The following PHLDB2 variants were observed in gnomAD, a reference collection of about 807,000 sequenced individuals.
PHLDB2 encodes pleckstrin homology like domain family B member 2, also known as pleckstrin homology-like domain family B member 2.
Under a neutral mutation model 123.6 loss-of-function variants are expected in PHLDB2, and 71 were observed. The ratio of observed to expected loss-of-function variants is 0.57; its 90% confidence interval spans 0.47 to 0.70. PHLDB2 has a LOEUF of 0.70. Ranked by LOEUF, PHLDB2 falls within the 30% of genes least tolerant of loss-of-function variation. The pLI is 0.00. For synonymous variants in PHLDB2, 547 were observed against 541.6 expected (o/e 1.01, Z -0.14); for missense variants, 1,446 against 1,519.5 (o/e 0.95, Z 0.80).
intron 1 of PHLDB2, among the ~76,000 whole-genome samples, chr3:111,818,056 G>GA (rs905273009): frequency 6.6e-6 from 1 of 151,896 alleles, no homozygotes; most frequent in Non-Finnish European, 1.5e-5. Context: ...GATCTCTTGT[G>GA]AAAAAAGGCC....
chr3:111,846,186 C>T lies in PHLDB2; in HGVS notation c.67+251C>T, dbSNP rs1407207623. On this transcript the variant is annotated intron_variant, in intron 2 of 17. Coordinates refer to the PHLDB2 transcript ENST00000393923. ...TCCAGATGCTGAAGGATGGGAAGAC[C>T]CAAGCAGCTGGTGTGGAGGTCTTTC... 13 of 384,600 alleles carry T rather than the reference C, an allele frequency of 3.4e-5. No homozygotes were observed. The East Asian group carries it at 6.2e-4, about 18-fold the overall frequency. 23.8% of individuals were successfully genotyped at this position (384,600 alleles called of 1,614,324 possible). A position where few individuals can be genotyped will look rare whatever the true frequency, so the allele number is the denominator to read the frequency against.
chr3:111,860,513 A>C (rs2064777449), intron 1 of PHLDB2, among the ~76,000 whole-genome samples: 1 of 152,212 alleles, frequency 6.6e-6, no homozygotes, highest in African/African-American at 2.4e-5. Context: ...TAGCCCTAGC[A>C]GTCATCACTT....
intron 12 of PHLDB2, among the ~76,000 whole-genome samples, chr3:111,956,840 C>T (rs2071089615): frequency 6.6e-6 from 1 of 152,148 alleles, no homozygotes; most frequent in Admixed American, 6.5e-5. Context: ...AATTGTTTGA[C>T]TAGCACTTGT....
intron 1 of PHLDB2, among the ~76,000 whole-genome samples, chr3:111,751,754 G>T (rs1322732011): frequency 6.6e-6 from 1 of 151,356 alleles, no homozygotes; most frequent in African/African-American, 2.4e-5. Flanking sequence ...CGAGTTAATG[G>T]GTGCAGCACA....
chr3:111,867,252 GA>G (rs2065132735), intron 1 of PHLDB2, among the ~76,000 whole-genome samples: 1 of 151,796 alleles, frequency 6.6e-6, no homozygotes, highest in Non-Finnish European at 1.5e-5. Context: ...AATCAGCTAG[GA>G]GCCAGTGATA....
At chr3:111,896,288 AC>A (rs1271377436) in intron 2 of PHLDB2, among the ~76,000 whole-genome samples, 2 of 152,066 alleles carry the variant, frequency 1.3e-5, no homozygotes, top group Non-Finnish European at 2.9e-5. Context: ...TTATTGAGCT[AC>A]CATTTTAAAA....
chr3:111,857,460 A>AAAAAAGAAAAG (rs71131985), upstream of PHLDB2, among the ~76,000 whole-genome samples: 1 of 81,044 alleles, frequency 1.2e-5, no homozygotes, highest in African/African-American at 3.8e-5. Flanking sequence ...CAAAAAAAAA[A>AAAAAAGAAAAG]AAAAGAAAAG....
intron 2 of PHLDB2, among the ~76,000 whole-genome samples, chr3:111,910,864 A>G (rs1052340529): frequency 5.9e-5 from 9 of 152,216 alleles, no homozygotes; most frequent in African/African-American, 2.2e-4. Flanking sequence ...TTATAGGGCC[A>G]GTGTGTCTCA....
intron 1 of PHLDB2, among the ~76,000 whole-genome samples, chr3:111,760,636 C>T (rs975228336): frequency 6.6e-6 from 1 of 151,692 alleles, no homozygotes; most frequent in Non-Finnish European, 1.5e-5. Context: ...AACTAGAAGG[C>T]AGAAAACGTG....
At chr3:111,939,367 G>T (rs2069722188) in intron 6 of PHLDB2, 108 bp from the exon 7 acceptor site, 2 of 1,152,362 alleles carry the variant, frequency 1.7e-6, no homozygotes, top group Admixed American at 4.7e-5. Context: ...GGTCAATATT[G>T]TAACTGGAAA....
intron 9 of PHLDB2, among the ~76,000 whole-genome samples, chr3:111,946,768 T>A (rs1175297492): frequency 6.6e-6 from 1 of 152,166 alleles, no homozygotes; most frequent in Non-Finnish European, 1.5e-5. Context: ...GGAGGTGACA[T>A]TTGCTATCCA....
intron 1 of PHLDB2, among the ~76,000 whole-genome samples, chr3:111,737,985 G>C (rs2059538940): frequency 6.6e-6 from 1 of 152,146 alleles, no homozygotes; most frequent in African/African-American, 2.4e-5. Flanking sequence ...AGGTCGGCCA[G>C]AAGATGTTGC....
chr3:111,923,997 T>A lies in PHLDB2; in HGVS notation c.2001+3578T>A, dbSNP rs141067025. ...TCCGTAGTGTGATCTGTCACCAGCC[T>A]TTCTGTCACCACCCTCCCATTCTTC... is the stretch of plus-strand genomic sequence containing the variant. On this transcript the variant is annotated intron_variant, in intron 5 of 17. Transcript: ENST00000431670. 8.1e-4 allele frequency among the ~76,000 whole-genome samples: 124 copies of A among 152,280 alleles called. 1 individual carries two copies. The highest frequency in any genetic ancestry group is 1.5e-3 in the Non-Finnish European group (99 of 68,018).
intron 1 of PHLDB2, among the ~76,000 whole-genome samples, chr3:111,750,088 G>A (rs891207537): frequency 2.0e-5 from 3 of 152,108 alleles, no homozygotes; most frequent in African/African-American, 7.2e-5. Flanking sequence ...AGGATTAAGG[G>A]GTTATATGAG....
chr3:111,798,343 A>C (rs2061247775), intron 1 of PHLDB2, among the ~76,000 whole-genome samples: 1 of 152,174 alleles, frequency 6.6e-6, no homozygotes, highest in South Asian at 2.1e-4. Context: ...CATTCTAAAG[A>C]AAGCAAGGAA....
chr3:111,849,338 T>C (rs913950736), intron 2 of PHLDB2, among the ~76,000 whole-genome samples: 1 of 135,658 alleles, frequency 7.4e-6, no homozygotes, highest in Non-Finnish European at 1.7e-5. Context: ...GCCTGGATAA[T>C]TGAAAAAAAT....
At chr3:111,859,919 A>T in intron 1 of PHLDB2, 3 of 984,626 alleles carry the variant, frequency 3.0e-6, no homozygotes, top group Non-Finnish European at 3.6e-6. Flanking sequence ...TTGCTTCTTT[A>T]CAGGCTGTAG....
rs1159461798 is a variant in PHLDB2 at position 111,967,783 on chromosome 3, A to C, written c.3274A>C (p.Ile1092Leu). 6.2e-7 allele frequency: 1 copy of C among 1,612,106 alleles called. No individual in the cohort carries two copies. The highest frequency in any genetic ancestry group is 2.2e-5 in the East Asian group (1 of 44,872). Residue 1092 changes from isoleucine (I) to leucine (L), a missense_variant, in exon 15 of 18, where the codon ATA becomes CTA. Physicochemically the swap from Ile to Leu is conservative, Grantham distance 5. This residue lies in a region of PHLDB2 where 594 missense variants were observed against 646.0 expected (regional missense o/e 0.92). Transcript: ENST00000431670. ...AGAAACTAGCCAGAGGCAGAAGTTA[A>C]TAGAAAAGGAAGTAAAAATAAGGGA... ...QEETSQRQKL[I>L]EKEVKIRERQ...
At chr3:111,757,623 C>T (rs1025843402) in intron 1 of PHLDB2, among the ~76,000 whole-genome samples, 9 of 152,232 alleles carry the variant, frequency 5.9e-5, no homozygotes, top group East Asian at 5.8e-4. Context: ...TGAGGAGCTG[C>T]GTTCCTCTGG....
Sources: allele counts gnomAD v4.1 joint callset (sites outside exome capture counted in the v4.1 genomes callset), GRCh38; gene constraint gnomAD v4.1.1; regional missense constraint gnomAD v4.1.1; transcripts MANE v1.5; gene names NCBI Gene and HGNC (gene_info 2026-07-23, HGNC 2026-07-21).